DENND10: variants seen among roughly 807,000 people sequenced by gnomAD.
The protein encoded by DENND10 is DENN domain-containing protein 10.
Under a neutral mutation model 43.6 loss-of-function variants are expected in DENND10, and 24 were observed. That is an observed-to-expected ratio of 0.55 (90% confidence interval 0.40 to 0.77). The LOEUF (loss-of-function observed/expected upper bound fraction) is 0.77, where lower values mean the gene tolerates loss of function less well. DENND10 is among the 30% of genes least tolerant of loss of function. The probability of loss-of-function intolerance (pLI) is 0.00; values close to 1 mark genes in which losing one functional copy is unlikely to be tolerated. For missense variants in DENND10, 303 were observed against 429.9 expected (o/e 0.70, Z 2.61); for synonymous variants, 125 against 157.6 (o/e 0.79, Z 1.55).
intron 2 of DENND10, among the ~76,000 whole-genome samples, chr10:119,111,106 C>CA (rs1345040324): frequency 6.6e-6 from 1 of 151,202 alleles, no homozygotes; most frequent in African/African-American, 2.4e-5. Flanking sequence ...ACTGAAAATA[C>CA]AAAAAATTAG....
chr10:119,124,935 C>T (rs1845757699), intron 6 of DENND10, among the ~76,000 whole-genome samples: 1 of 151,946 alleles, frequency 6.6e-6, no homozygotes. Context: ...AAAAATGCAA[C>T]CTATATTTAA....
intron 1 of DENND10, chr10:119,105,294 CTT>C (rs749653382): frequency 2.5e-4 from 36 of 144,064 alleles, no homozygotes; most frequent in South Asian, 1.8e-3. Flanking sequence ...TGTCTTTCTT[CTT>C]TTTTTTTTTT....
At chr10:119,117,271 C>T (rs1845334945) in intron 3 of DENND10, among the ~76,000 whole-genome samples, 1 of 151,922 alleles carries the variant, frequency 6.6e-6, no homozygotes, top group Non-Finnish European at 1.5e-5. Flanking sequence ...ACTCGGGAGG[C>T]TGAGGCAGGA....
chr10:119,125,682 G>A, intron 6 of DENND10, among the ~76,000 whole-genome samples: 1 of 150,934 alleles, frequency 6.6e-6, no homozygotes, highest in African/African-American at 2.4e-5. Context: ...TAATTTTTTT[G>A]TATTTTTGGT....
intron 1 of DENND10, chr10:119,105,588 A>T: frequency 1.1e-6 from 1 of 937,636 alleles, no homozygotes; most frequent in South Asian, 2.4e-5. Context: ...CTTTTGAACT[A>T]AGGCTAAGTT....
Position 119,105,868 on chromosome 10 carries a change from T to G in DENND10, c.55+1671T>G, listed in dbSNP as rs192895232. On this transcript the variant is annotated intron_variant, in intron 1 of 8. Transcript: ENST00000361432. ...CTGTACTCCAGCATGGGTGACAGAG[T>G]GAGACCCCCCCCAACCCCGTCTCAA... Among the ~76,000 whole-genome samples the G allele has an allele frequency of 2.5e-3, 384 of 151,564 alleles. 3 individuals are homozygous for G. Among genetic ancestry groups the G allele is most frequent in the African/African-American group, 8.8e-3 (363 of 41,274 alleles).
intron 4 of DENND10, among the ~76,000 whole-genome samples, chr10:119,118,445 C>T (rs1845401293): frequency 6.6e-6 from 1 of 152,184 alleles, no homozygotes; most frequent in African/African-American, 2.4e-5. Context: ...AAAATGCAGA[C>T]AGCTCAGGCC....
intron 6 of DENND10, among the ~76,000 whole-genome samples, chr10:119,128,211 G>A (rs911754577): frequency 1.3e-5 from 2 of 151,922 alleles, no homozygotes; most frequent in African/African-American, 4.8e-5. Flanking sequence ...TACTCAGAAG[G>A]CTGAGACAGG....
At chr10:119,134,436 T>G (rs1846219721) in intron 8 of DENND10, 1 of 150,182 alleles carries the variant, frequency 6.7e-6, no homozygotes, top group Non-Finnish European at 1.5e-5. Flanking sequence ...CTGCAACCTC[T>G]GCCTCCCAGG....
intron 3 of DENND10, among the ~76,000 whole-genome samples, chr10:119,116,236 C>T (rs1589724208): frequency 6.6e-6 from 1 of 152,306 alleles, no homozygotes; most frequent in East Asian, 1.9e-4. Flanking sequence ...GCTATAAATG[C>T]AGCCAGTTTC....
At chr10:119,129,893 A>G (rs1444564948) in intron 7 of DENND10, among the ~76,000 whole-genome samples, 4 of 152,220 alleles carry the variant, frequency 2.6e-5, no homozygotes, top group Non-Finnish European at 5.9e-5. Context: ...TGTATTATCT[A>G]CTGCCACATA....
intron 2 of DENND10, among the ~76,000 whole-genome samples, chr10:119,109,808 T>C (rs936148857): frequency 5.9e-5 from 9 of 151,664 alleles, no homozygotes; most frequent in Non-Finnish European, 7.4e-5. Flanking sequence ...TTTTTTAACT[T>C]CAATTTTTAA....
At chr10:119,129,779 T>C (rs369398338) in intron 7 of DENND10, among the ~76,000 whole-genome samples, 157 bp downstream of exon 7, 3 of 152,326 alleles carry the variant, frequency 2.0e-5, no homozygotes, top group Non-Finnish European at 2.9e-5. Flanking sequence ...CCTATAAACA[T>C]AGACATATTA....
chr10:119,106,370 G>C (rs1844698313), intron 1 of DENND10, among the ~76,000 whole-genome samples: 1 of 152,110 alleles, frequency 6.6e-6, no homozygotes, highest in Non-Finnish European at 1.5e-5. Context: ...TTAGAGACAG[G>C]GTCTCTCTCT....
In DENND10 at chr10:119,117,618, T is replaced by C. The variant is rs765547136; in HGVS notation, c.432T>C (p.Leu144=). The C allele has an allele frequency of 6.2e-7, 1 of 1,613,946 alleles. No individual in the cohort carries two copies. Among genetic ancestry groups the C allele is most frequent in the African/African-American group, 1.3e-5 (1 of 74,920 alleles). ...AGAGTGAAGAAAACGGCTCTTTCCT[T>C]AGTAAGGATTTTGATGCCCGAAAGG... ...ICQSEENGSF[L]SKDFDARKAY... The change falls in exon 4 of 9, where the codon CTT becomes CTC. Residue 144 remains leucine, a synonymous_variant. Coordinates refer to ENST00000361432, the MANE Select transcript of DENND10 (RefSeq NM_207009.4).
chr10:119,131,128 T>TA (rs1200443736), intron 7 of DENND10, among the ~76,000 whole-genome samples: 1 of 152,180 alleles, frequency 6.6e-6, no homozygotes, highest in East Asian at 1.9e-4. Flanking sequence ...GGAAAGGGTG[T>TA]ACTAGTGTTA....
chr10:119,104,248 G>C (rs990123511), intron 1 of DENND10, 51 bp downstream of exon 1: 4 of 1,471,020 alleles, frequency 2.7e-6, no homozygotes, highest in Non-Finnish European at 3.6e-6. Flanking sequence ...TTCTGCCTCT[G>C]CTCCACCTCG....
At chr10:119,135,805 A>AAAAAAAAAAAAAAAAAAAAAAAAC (rs1846317243) in intron 8 of DENND10, among the ~76,000 whole-genome samples, 1 of 149,902 alleles carries the variant, frequency 6.7e-6, no homozygotes, top group Admixed American at 6.7e-5. Flanking sequence ...AAAAAAAAAA[A>AAAAAAAAAAAAAAAAAAAAAAAAC]AAAAAAAAAA....
rs1190288242 is a variant in DENND10 at position 119,115,653 on chromosome 10, T to G, written c.333-1866T>G. Among the ~76,000 whole-genome samples, 4 of 151,364 alleles carry G rather than the reference T, an allele frequency of 2.6e-5. No individual in the cohort carries two copies. The Admixed American group carries it at 2.6e-4, about 10-fold the overall frequency. On this transcript the variant is annotated intron_variant, in intron 3 of 8. Transcript: ENST00000361432. ...ATCCGCCCGCCTCGGCCTCCCAAAGTGCTGGAATTGGTAATTTTTAAAAAA... is the reference window on the plus strand; with the variant it reads ...ATCCGCCCGCCTCGGCCTCCCAAAGGGCTGGAATTGGTAATTTTTAAAAAA...
Sources: allele counts gnomAD v4.1 joint callset (sites outside exome capture counted in the v4.1 genomes callset), GRCh38; gene constraint gnomAD v4.1.1; transcripts MANE v1.5; gene names NCBI Gene and HGNC (gene_info 2026-07-23, HGNC 2026-07-21).